Variants in ST18 observed in about 807,000 individuals in gnomAD.
ST18 encodes the protein suppression of tumorigenicity 18 protein.
ST18 carries 50 observed loss-of-function variants against 110.0 expected under a neutral mutation model. The ratio of observed to expected loss-of-function variants is 0.45; its 90% confidence interval spans 0.36 to 0.58. The LOEUF is 0.58. ST18 is among the 20% of genes least tolerant of loss of function. The probability of loss-of-function intolerance (pLI) is 0.00; values close to 1 mark genes in which losing one functional copy is unlikely to be tolerated. For synonymous variants in ST18, 461 were observed against 452.4 expected (o/e 1.02, Z -0.24); for missense variants, 1,306 against 1,280.1 (o/e 1.02, Z -0.31).
intron 2 of ST18, among the ~76,000 whole-genome samples, chr8:52,372,124 G>C (rs1034510072): frequency 3.3e-5 from 5 of 152,118 alleles, no homozygotes; most frequent in African/African-American, 1.2e-4. Context: ...AAGATGTGGA[G>C]GTGGAAGATA....
chr8:52,153,027 C>T (rs1286346662), intron 15 of ST18, among the ~76,000 whole-genome samples: 1 of 152,150 alleles, frequency 6.6e-6, no homozygotes, highest in Admixed American at 6.5e-5. Flanking sequence ...AAGGAAAACA[C>T]AAAAGTGATT....
intron 2 of ST18, among the ~76,000 whole-genome samples, chr8:52,245,867 A>C (rs1210366921): frequency 6.6e-6 from 1 of 152,150 alleles, no homozygotes; most frequent in Non-Finnish European, 1.5e-5. Flanking sequence ...GTTACTAATA[A>C]AACTTTAAAG....
rs1218904409 is a variant in ST18, at chr8:52,126,106, T to C, written c.2701A>G (p.Lys901Glu). 9 of 1,614,158 alleles carry C rather than the reference T, an allele frequency of 5.6e-6. No individual in the cohort carries two copies. The highest frequency in any genetic ancestry group is 1.3e-5 in the African/African-American group (1 of 75,050). Residue 901 changes from lysine to glutamate, a missense_variant, in exon 23 of 26, where the codon AAA becomes GAA. Physicochemically the swap from Lys to Glu is moderately conservative, Grantham distance 56. Transcript: ENST00000689386. Reference sequence around the variant, plus strand: ...AGTTCTTCAGAAACCTTGCCCTTTTTGATAACTTGTGCATTGAGAGGACAT... The same window carrying C: ...AGTTCTTCAGAAACCTTGCCCTTTTCGATAACTTGTGCATTGAGAGGACAT... ...SGCPLNAQVI[K>E]KGKVSEELMT...
intron 9 of ST18, among the ~76,000 whole-genome samples, chr8:52,175,292 A>G (rs7817750): frequency 0.02 from 2,997 of 152,254 alleles, 45 homozygotes; most frequent in African/African-American, 0.043. Flanking sequence ...AACCTTTATC[A>G]TAAATAAGAT....
intron 3 of ST18, among the ~76,000 whole-genome samples, chr8:52,227,452 T>C (rs2089880940): frequency 6.6e-6 from 1 of 152,158 alleles, no homozygotes; most frequent in African/African-American, 2.4e-5. Flanking sequence ...CGATGATTCC[T>C]GAAAAATTCA....
At chr8:52,231,952 C>T (rs142230197) in intron 2 of ST18, among the ~76,000 whole-genome samples, 5 of 152,252 alleles carry the variant, frequency 3.3e-5, no homozygotes, top group African/African-American at 1.2e-4. Context: ...CTATGCGTTC[C>T]GTAGATCTAT....
rs184510594 is a variant in ST18, at chr8:52,347,589, C to T, written c.-465+61739G>A. On this transcript the variant is annotated intron_variant, in intron 2 of 25. Coordinates refer to ENST00000689386, the MANE Select transcript of ST18 (RefSeq NM_001352837.2). ...TTTCCTCATTTTTCTTGTTGGTGAGCCAATAGATATTTTCTAAAATTCATA... is the reference window on the plus strand; with the variant it reads ...TTTCCTCATTTTTCTTGTTGGTGAGTCAATAGATATTTTCTAAAATTCATA... 5.9e-4 allele frequency among the ~76,000 whole-genome samples: 89 copies of T among 152,076 alleles called. No homozygotes were observed. The Middle Eastern group carries it at 0.017, about 29-fold the overall frequency.
At chr8:52,159,400 G>A (rs1158709697) in intron 14 of ST18, among the ~76,000 whole-genome samples, 2 of 151,994 alleles carry the variant, frequency 1.3e-5, no homozygotes, top group Non-Finnish European at 2.9e-5. Context: ...CAGGTGCACT[G>A]GCAACATTTG....
intron 8 of ST18, among the ~76,000 whole-genome samples, chr8:52,182,415 G>C (rs1258260147): frequency 1.3e-5 from 2 of 152,234 alleles, no homozygotes; most frequent in Middle Eastern, 3.4e-3. Flanking sequence ...ATGAATAATT[G>C]ACAAATTGAT....
chr8:52,179,660 T>TA (rs546033557), intron 9 of ST18, among the ~76,000 whole-genome samples: 241 of 152,172 alleles, frequency 1.6e-3, no homozygotes, highest in African/African-American at 5.5e-3. Context: ...TAAAAAAAAT[T>TA]AAAAAAAATT....
chr8:52,387,350 G>A (rs1441778660), intron 2 of ST18, among the ~76,000 whole-genome samples: 1 of 152,142 alleles, frequency 6.6e-6, no homozygotes, highest in African/African-American at 2.4e-5. Flanking sequence ...TTTGGCAAAA[G>A]GATTTCAAAA....
At chr8:52,319,662 T>C (rs868114042) in intron 2 of ST18, among the ~76,000 whole-genome samples, 7 of 152,294 alleles carry the variant, frequency 4.6e-5, no homozygotes, top group Middle Eastern at 6.8e-3. Context: ...TTTTATTTGG[T>C]TCATAATTTT....
chr8:52,342,543 T>C (rs1238330359), intron 2 of ST18, among the ~76,000 whole-genome samples: 1 of 152,224 alleles, frequency 6.6e-6, no homozygotes, highest in Non-Finnish European at 1.5e-5. Context: ...TTTCATCAGA[T>C]GTGACATTTC....
intron 19 of ST18, among the ~76,000 whole-genome samples, chr8:52,135,744 A>G (rs1056275360): frequency 6.6e-6 from 1 of 152,022 alleles, no homozygotes; most frequent in East Asian, 1.9e-4. Context: ...TTAGATAAAA[A>G]AATTTTAAAC....
At chr8:52,392,971 T>C (rs771255381) in intron 2 of ST18, among the ~76,000 whole-genome samples, 21 of 152,238 alleles carry the variant, frequency 1.4e-4, no homozygotes, top group Non-Finnish European at 2.5e-4. Flanking sequence ...GAGTAGCCTC[T>C]GATCCTTTGT....
At chr8:52,214,753 C>A (rs1466390221) in intron 6 of ST18, among the ~76,000 whole-genome samples, 1 of 152,078 alleles carries the variant, frequency 6.6e-6, no homozygotes, top group Non-Finnish European at 1.5e-5. Flanking sequence ...CAGAAAATAC[C>A]ATTAGAAATT....
intron 8 of ST18, among the ~76,000 whole-genome samples, chr8:52,192,255 A>T (rs2074763070): frequency 1.3e-5 from 2 of 152,172 alleles, no homozygotes; most frequent in South Asian, 2.1e-4. Flanking sequence ...CCAACCAACC[A>T]CTGGACCTTT....
chr8:52,174,274 A>T (rs1212807199), intron 9 of ST18, among the ~76,000 whole-genome samples: 5 of 152,234 alleles, frequency 3.3e-5, no homozygotes, highest in African/African-American at 4.8e-5. Context: ...ATAGTCTAAA[A>T]TGCAAATGAA....
chr8:52,394,198 C>T (rs190556308), intron 2 of ST18, among the ~76,000 whole-genome samples: 3 of 152,188 alleles, frequency 2.0e-5, no homozygotes, highest in East Asian at 1.9e-4. Context: ...AGTTGTCACA[C>T]GTGAACCCTA....
Sources: gnomAD v4.1 joint callset for allele counts (sites outside exome capture counted in the v4.1 genomes callset) on GRCh38, gnomAD v4.1.1 for gene constraint, MANE v1.5 for transcripts, NCBI Gene and HGNC (gene_info 2026-07-23, HGNC 2026-07-21) for gene names.